The following MYH15 variants were observed in gnomAD, a reference collection of about 807,000 sequenced individuals.
MYH15 encodes myosin heavy chain 15.
In MYH15, 227 loss-of-function variants were observed where a neutral mutation model predicts 240.5. The observed-to-expected ratio is 0.94, with a 90% CI of 0.85 to 1.05. The LOEUF (loss-of-function observed/expected upper bound fraction) is 1.05. Ranked by LOEUF, MYH15 falls within the 50% of genes least tolerant of loss-of-function variation. The pLI, the probability that MYH15 is intolerant of heterozygous loss-of-function variation, is 0.00. For missense variants in MYH15, 2,217 were observed against 2,247.5 expected (o/e 0.99, Z 0.27); for synonymous variants, 785 against 796.7 (o/e 0.99, Z 0.25).
chr3:108,544,397 CAT>C, the MYH15 span, among the ~76,000 whole-genome samples: 2 of 152,124 alleles, frequency 1.3e-5, no homozygotes, highest in South Asian at 2.1e-4. Flanking sequence ...TACAAAGAAA[CAT>C]AGCCTCTGAA....
intron 33 of MYH15, among the ~76,000 whole-genome samples, chr3:108,401,549 A>G (rs1379834459): frequency 2.6e-5 from 4 of 152,236 alleles, no homozygotes; most frequent in South Asian, 2.1e-4. Flanking sequence ...TCACACTCAC[A>G]TCACCAAAAT....
At chr3:108,408,694 C>T (rs546745760) in intron 31 of MYH15, among the ~76,000 whole-genome samples, 65 of 152,322 alleles carry the variant, frequency 4.3e-4, no homozygotes, top group Non-Finnish European at 8.4e-4. Flanking sequence ...CAGTCCTGCT[C>T]ATTAGAGCCA....
chr3:108,490,084 T>C (rs2083335173), intron 9 of MYH15, among the ~76,000 whole-genome samples: 1 of 151,932 alleles, frequency 6.6e-6, no homozygotes, highest in South Asian at 2.1e-4. Context: ...TCAGTTGCTC[T>C]ATACCATCCA....
intron 11 of MYH15, among the ~76,000 whole-genome samples, chr3:108,483,418 A>T (rs1007853363): frequency 6.3e-5 from 6 of 95,398 alleles, no homozygotes; most frequent in Non-Finnish European, 1.2e-4. Context: ...GGCTACTATA[A>T]AAAAAAAAAA....
intron 9 of MYH15, among the ~76,000 whole-genome samples, chr3:108,487,216 T>C (rs1250270424): frequency 2.6e-5 from 4 of 152,230 alleles, no homozygotes; most frequent in African/African-American, 9.6e-5. Flanking sequence ...AACCTTTCAC[T>C]GTCCAACACT....
chr3:108,459,362 C>T lies in MYH15; in HGVS notation c.2020G>A (p.Gly674Ser), dbSNP rs2107580205. The T allele has an allele frequency of 6.4e-7, 1 of 1,564,674 alleles. No individual in the cohort carries two copies. Among genetic ancestry groups the T allele is most frequent in the Non-Finnish European group, 8.7e-7 (1 of 1,146,662 alleles). The change falls in exon 18 of 41, where the codon GGT (glycine) becomes AGT (serine). Residue 674 changes from glycine to serine, a missense_variant and splice_region_variant. By Grantham distance (56) the Gly-to-Ser change is moderately conservative. Coordinates refer to ENST00000693548, the MANE Select transcript of MYH15 (RefSeq NM_014981.3). Reference sequence around the variant, plus strand: ...AATTACAAAGAAATCTAGTTCTTACCTGGTATTTTGTTCACATTGGGATTT... The same window carrying T: ...AATTACAAAGAAATCTAGTTCTTACTTGGTATTTTGTTCACATTGGGATTT... ...CINPNVNKIP[G>S]ILDPYLVLQQ...
At position 108,492,576 on chromosome 3, in the gene MYH15, C is replaced by G; in HGVS notation, c.795G>C (p.Arg265Ser). ...TCTCTCCAGCCTGCTGGAAAATCAC[C>G]CTGGACTTTTCAAGCAAATCTGGAT... The part of the protein sequence containing the change: ...DIDIYLLEKS[R>S]VIFQQAGERN... Residue 265 changes from arginine (R) to serine (S), a missense_variant, in exon 9 of 41, where the codon AGG becomes AGC. Physicochemically the swap from Arg to Ser is moderately radical, Grantham distance 110. Coordinates refer to ENST00000693548, the MANE Select transcript of MYH15 (RefSeq NM_014981.3). 1.2e-6 allele frequency: 2 copies of G among 1,612,878 alleles called. No homozygotes were observed. Among genetic ancestry groups the G allele is most frequent in the Non-Finnish European group, 1.7e-6 (2 of 1,179,228 alleles).
intron 1 of MYH15, among the ~76,000 whole-genome samples, chr3:108,507,225 GAA>G (rs2083484037): frequency 2.1e-5 from 1 of 47,924 alleles, no homozygotes; most frequent in Non-Finnish European, 3.8e-5. Flanking sequence ...AAAGGAAAAT[GAA>G]TATATATATA....
chr3:108,393,649 C>T (rs1277651999), intron 36 of MYH15, among the ~76,000 whole-genome samples: 3 of 152,206 alleles, frequency 2.0e-5, no homozygotes, highest in South Asian at 4.1e-4. Flanking sequence ...CTTTCCAAAT[C>T]ATCATCATAA....
upstream of MYH15, among the ~76,000 whole-genome samples, chr3:108,510,946 C>A (rs1473193324): frequency 6.6e-6 from 1 of 152,080 alleles, no homozygotes; most frequent in African/African-American, 2.4e-5. Flanking sequence ...TAGGCCAACA[C>A]AGTTATGAAA....
At chr3:108,529,269 CT>C in exon 1 of MYH15, 1 of 1,602,600 alleles carries the variant, frequency 6.2e-7, no homozygotes, top group Non-Finnish European at 8.5e-7. Flanking sequence ...TCACCATGAT[CT>C]TTTTGGTAAG....
chr3:108,483,344 C>T (rs185826901), intron 11 of MYH15, among the ~76,000 whole-genome samples: 159 of 151,416 alleles, frequency 1.1e-3, no homozygotes, highest in African/African-American at 3.5e-3. Context: ...TGTTCAACAT[C>T]ACCAATCAGT....
At chr3:108,514,708 G>C (rs1166694689), upstream of MYH15, among the ~76,000 whole-genome samples, 1 of 152,126 alleles carries the variant, frequency 6.6e-6, no homozygotes, top group Non-Finnish European at 1.5e-5. Flanking sequence ...GTGAAGGGAA[G>C]AGGTAAGCTT....
intron 1 of MYH15, among the ~76,000 whole-genome samples, chr3:108,516,160 A>G (rs2083570876): frequency 6.6e-6 from 1 of 152,180 alleles, no homozygotes; most frequent in South Asian, 2.1e-4. Flanking sequence ...AGCAGTCCTG[A>G]CACATTTTTA....
rs2082994307 is a variant in MYH15 at position 108,453,635 on chromosome 3, G to A, written c.2399+371C>T. ...GGTAACAAAGGGGTCAGAACACCTC[G>A]GTCTTTGAAGCACACTTCCCCAAAG... is the stretch of plus-strand genomic sequence containing the variant. On this transcript the variant is annotated intron_variant, in intron 21 of 40. Coordinates refer to ENST00000693548, the MANE Select transcript of MYH15 (RefSeq NM_014981.3). 2.0e-5 allele frequency among the ~76,000 whole-genome samples: 3 copies of A among 152,226 alleles called. No homozygotes were observed. In the South Asian group the frequency reaches 6.2e-4, roughly 32 times the overall value.
the MYH15 span, among the ~76,000 whole-genome samples, chr3:108,543,129 T>C: frequency 6.6e-6 from 1 of 152,112 alleles, no homozygotes; most frequent in Non-Finnish European, 1.5e-5. Context: ...TCCGCCCGCC[T>C]TGGCCTCCCA....
At chr3:108,422,351 G>A (rs1350376291) in intron 27 of MYH15, among the ~76,000 whole-genome samples, 1 of 151,874 alleles carries the variant, frequency 6.6e-6, no homozygotes, top group Non-Finnish European at 1.5e-5. Flanking sequence ...CTGAGTAGGT[G>A]GGATTATAGG....
At chr3:108,469,894 A>G (rs1253479512) in intron 14 of MYH15, 148 bp downstream of exon 14, 4 of 697,986 alleles carry the variant, frequency 5.7e-6, no homozygotes, top group Non-Finnish European at 6.7e-6. Context: ...CAGGTGATGC[A>G]CACAAACACC....
chr3:108,483,567 A>G (rs1253696455), intron 11 of MYH15, among the ~76,000 whole-genome samples: 1 of 152,220 alleles, frequency 6.6e-6, no homozygotes, highest in Non-Finnish European at 1.5e-5. Flanking sequence ...CAGATTTACC[A>G]TTTATTCTAA....
Sources: gnomAD v4.1 joint callset for allele counts (sites outside exome capture counted in the v4.1 genomes callset) on GRCh38, gnomAD v4.1.1 for gene constraint, MANE v1.5 for transcripts, NCBI Gene and HGNC (gene_info 2026-07-23, HGNC 2026-07-21) for gene names.